The following HOXD3 variants were observed in gnomAD, a reference collection of about 807,000 sequenced individuals.
The protein encoded by HOXD3 is homeobox protein Hox-D3.
A neutral mutation model predicts 32.8 loss-of-function variants in HOXD3; 13 were observed. That is an observed-to-expected ratio of 0.40 (90% CI 0.26 to 0.63). HOXD3 has a LOEUF of 0.63. HOXD3 is among the 20% of genes least tolerant of loss of function. The pLI, the probability that HOXD3 is intolerant of heterozygous loss-of-function variation, is 0.44. For synonymous variants in HOXD3, 241 were observed against 246.8 expected, an observed-to-expected ratio of 0.98 and a Z score of 0.22; for missense variants, 504 against 577.1, an observed-to-expected ratio of 0.87 and a Z score of 1.30.
intron 1 of HOXD3, among the ~76,000 whole-genome samples, chr2:176,160,697 G>T (rs766079439): frequency 6.6e-6 from 1 of 152,132 alleles, no homozygotes; most frequent in African/African-American, 2.4e-5. Flanking sequence ...AAACGACCAC[G>T]TTCCGCAAGC....
chr2:176,171,420 A>C, intron 3 of HOXD3, 97 bp from the exon 4 acceptor site: 2 of 1,087,188 alleles, frequency 1.8e-6, no homozygotes, highest in Non-Finnish European at 2.6e-6. Flanking sequence ...AGGTGGGGGG[A>C]GGGAGGAGGA....
In HOXD3 at chr2:176,172,312, C is replaced by T. The variant is rs1387798405; in HGVS notation, c.*38C>T. The T allele has an allele frequency of 2.6e-6, 4 of 1,554,848 alleles. No individual in the cohort carries two copies. The highest frequency in any genetic ancestry group is 3.5e-6 in the Non-Finnish European group (4 of 1,153,910). ...GCCCGAACTCGCGGCAAAATTACCTCTCTTGCTGTAGTGGTGGGGTAGAGG... is the reference window on the plus strand; with the variant it reads ...GCCCGAACTCGCGGCAAAATTACCTTTCTTGCTGTAGTGGTGGGGTAGAGG... On this transcript the variant is annotated 3_prime_UTR_variant, in exon 4 of 4. Transcript: ENST00000683222.
chr2:176,169,239 G>A lies in HOXD3; in HGVS notation c.125G>A (p.Gly42Asp). The change falls in exon 3 of 4, where the codon GGC becomes GAC. Residue 42 changes from glycine (G) to aspartate (D), a missense_variant. By Grantham distance (94) the Gly-to-Asp change is moderately conservative (BLOSUM62 -1). Around this residue, in one of 3 missense-constraint regions of HOXD3, gnomAD observed 181 missense variants for 172.2 expected, o/e 1.05. Coordinates refer to ENST00000683222, the MANE Select transcript of HOXD3 (RefSeq NM_006898.5). ...YGYSKTTDTYGYSTPHQPYPP... is the reference protein window; with the variant it reads ...YGYSKTTDTYDYSTPHQPYPP... ...TACAGCAAAACTACGGACACTTACG[G>A]CTACAGCACCCCCCACCAGCCCTAC... is the stretch of plus-strand genomic sequence containing the variant. The A allele has an allele frequency of 2.5e-6, 4 of 1,614,044 alleles. No individual in the cohort carries two copies. Among genetic ancestry groups the A allele is most frequent in the Non-Finnish European group, 3.4e-6 (4 of 1,179,996 alleles).
At chr2:176,155,518 A>C (rs1363281614), upstream of HOXD3, among the ~76,000 whole-genome samples, 1 of 152,162 alleles carries the variant, frequency 6.6e-6, no homozygotes, top group Admixed American at 6.5e-5. Context: ...ATTCTTTTGA[A>C]ATGTTAATGG....
At chr2:176,169,782 C>CT (rs976160750) in intron 3 of HOXD3, 127 bp downstream of exon 3, 425 of 1,221,368 alleles carry the variant, frequency 3.5e-4, no homozygotes, top group Non-Finnish European at 4.0e-4. Context: ...TCAAAATGTT[C>CT]TTTTTTTTAG....
chr2:176,163,416 G>C (rs7591820), intron 1 of HOXD3, among the ~76,000 whole-genome samples: 14 of 151,808 alleles, frequency 9.2e-5, no homozygotes, highest in Non-Finnish European at 1.8e-4. Flanking sequence ...GGGGTGGAAA[G>C]GATGTTTGTT....
intron 3 of HOXD3, among the ~76,000 whole-genome samples, chr2:176,171,241 G>A (rs1296943611): frequency 6.6e-6 from 1 of 152,142 alleles, no homozygotes; most frequent in Non-Finnish European, 1.5e-5. Flanking sequence ...ATGGGATGAT[G>A]GACTAGGCTG....
At chr2:176,156,347 T>A (rs1690643594), upstream of HOXD3, among the ~76,000 whole-genome samples, 1 of 152,218 alleles carries the variant, frequency 6.6e-6, no homozygotes, top group Non-Finnish European at 1.5e-5. Flanking sequence ...TGGGTGTTAA[T>A]TTTTTGAAGA....
chr2:176,171,505 C>G lies in HOXD3; in HGVS notation c.542-12C>G, dbSNP rs1017639649. 1.3e-6 allele frequency: 2 copies of G among 1,567,190 alleles called. No homozygotes were observed. The highest frequency in any genetic ancestry group is 2.4e-5 in the South Asian group (2 of 82,016). ...CTCGCTCAGCGCCCTCCCTCTCTCC[C>G]TCCCTGCCCAGGAGAGAGCTGCGAG... On this transcript the variant is annotated splice_polypyrimidine_tract_variant and intron_variant, in intron 3 of 3. Transcript: ENST00000683222.
At chr2:176,154,815 C>T (rs1167882636), upstream of HOXD3, among the ~76,000 whole-genome samples, 2 of 152,112 alleles carry the variant, frequency 1.3e-5, no homozygotes, top group Non-Finnish European at 2.9e-5. Flanking sequence ...GTCACCACGT[C>T]GGGATATTAA....
intron 1 of HOXD3, among the ~76,000 whole-genome samples, chr2:176,163,344 G>A (rs1293327335): frequency 6.6e-6 from 1 of 151,782 alleles, no homozygotes; most frequent in Non-Finnish European, 1.5e-5. Flanking sequence ...TTCACCTGAC[G>A]GGGGGTGGTC....
chr2:176,160,222 G>T (rs1690756385), intron 1 of HOXD3, among the ~76,000 whole-genome samples: 1 of 152,172 alleles, frequency 6.6e-6, no homozygotes, highest in Admixed American at 6.5e-5. Flanking sequence ...AGTACTCCGC[G>T]GGCCCGGGAA....
At position 176,169,314 on chromosome 2, in the gene HOXD3, C is replaced by T. The variant is rs1045063277; in HGVS notation, c.200C>T (p.Ala67Val). 5.0e-6 allele frequency: 8 copies of T among 1,614,010 alleles called. No homozygotes were observed. Among genetic ancestry groups the T allele is most frequent in the African/African-American group, 2.7e-5 (2 of 74,900 alleles). The change falls in exon 3 of 4, where the codon GCC becomes GTC. Residue 67 changes from alanine to valine, a missense_variant. Coordinates refer to ENST00000683222, the MANE Select transcript of HOXD3 (RefSeq NM_006898.5). ...CTGGACACTGACTATCCAGGTTCTGCCTGCTCCATCCAGAGCTCTGCCCCT... is the reference window on the plus strand; with the variant it reads ...CTGGACACTGACTATCCAGGTTCTGTCTGCTCCATCCAGAGCTCTGCCCCT... Reference protein sequence around the residue: ...SSLDTDYPGSACSIQSSAPLR... With the variant: ...SSLDTDYPGSVCSIQSSAPLR...
In HOXD3 at chr2:176,172,283, G is replaced by A. The variant is rs201134562; in HGVS notation, c.*9G>A. 7.8e-5 allele frequency: 124 copies of A among 1,581,124 alleles called. No individual in the cohort carries two copies. Among genetic ancestry groups the A allele is most frequent in the Admixed American group, 1.2e-4 (7 of 57,958 alleles). On this transcript the variant is annotated 3_prime_UTR_variant, in exon 4 of 4. Transcript: ENST00000683222. ...AACTGACGCATCTGTAGCGGCCGCC[G>A]CCAGCCCGAACTCGCGGCAAAATTA...
upstream of HOXD3, chr2:176,152,956 G>C (rs1480182988): frequency 6.2e-7 from 1 of 1,612,648 alleles, no homozygotes. The surrounding 1 kb of genome is among the most constrained non-coding windows in gnomAD (Gnocchi z 5.2). Context: ...TGGGGACCCT[G>C]GGCCCATCTC....
upstream of HOXD3, among the ~76,000 whole-genome samples, chr2:176,156,721 C>T (rs1690652336): frequency 1.3e-5 from 2 of 152,194 alleles, no homozygotes; most frequent in African/African-American, 4.8e-5. Flanking sequence ...ACTACATTTA[C>T]CGCAAGGGCT....
chr2:176,154,705 C>T (rs1690609062), upstream of HOXD3, among the ~76,000 whole-genome samples: 1 of 152,332 alleles, frequency 6.6e-6, no homozygotes, highest in East Asian at 1.9e-4. Context: ...TCTGAAGTGT[C>T]TTCCAAGCCT....
chr2:176,154,377 A>AT (rs1690603200), upstream of HOXD3, among the ~76,000 whole-genome samples: 1 of 152,180 alleles, frequency 6.6e-6, no homozygotes, highest in African/African-American at 2.4e-5. Context: ...AAGAAGTCAA[A>AT]GTTAATGGCC....
At chr2:176,168,261 CAAAA>C (rs34436368) in intron 2 of HOXD3, among the ~76,000 whole-genome samples, 9 of 103,392 alleles carry the variant, frequency 8.7e-5, no homozygotes, top group African/African-American at 2.6e-4. Flanking sequence ...CCTGTCTCTA[CAAAA>C]AAAAAAAAAA....
Sources: gnomAD v4.1 joint callset for allele counts (sites outside exome capture counted in the v4.1 genomes callset) on GRCh38, gnomAD v4.1.1 for gene constraint, gnomAD v4.1.1 regional missense constraint, Gnocchi (gnomAD v3.1) non-coding constraint, MANE v1.5 for transcripts, NCBI Gene and HGNC (gene_info 2026-07-23, HGNC 2026-07-21) for gene names.